ANKS1B: variants seen among roughly 807,000 people sequenced by gnomAD.
The protein encoded by ANKS1B is ankyrin repeat and sterile alpha motif domain-containing protein 1B.
Under a neutral mutation model 148.3 loss-of-function variants are expected in ANKS1B, and 36 were observed. The observed-to-expected ratio is 0.24, with a 90% CI of 0.19 to 0.32. The LOEUF (loss-of-function observed/expected upper bound fraction) is 0.32. ANKS1B is among the 10% of genes least tolerant of loss of function. ANKS1B has a pLI of 1.00. For synonymous variants in ANKS1B, 542 were observed against 560.8 expected (o/e 0.97, Z 0.47); for missense variants, 1,157 against 1,542.6 (o/e 0.75, Z 4.19).
At chr12:99,921,241 TAGTG>T (rs1335505122) in intron 1 of ANKS1B, among the ~76,000 whole-genome samples, 3 of 152,130 alleles carry the variant, frequency 2.0e-5, no homozygotes, top group Admixed American at 1.3e-4. Flanking sequence ...GTTCTCATGA[TAGTG>T]AGTGAGTTCT....
intron 17 of ANKS1B, among the ~76,000 whole-genome samples, chr12:99,033,387 T>C (rs1282715234): frequency 6.6e-6 from 1 of 152,246 alleles, no homozygotes; most frequent in African/African-American, 2.4e-5. Context: ...AGTCATGGTG[T>C]ATAATATTTT....
chr12:99,919,729 A>T (rs2153795891), intron 1 of ANKS1B, among the ~76,000 whole-genome samples: 1 of 151,418 alleles, frequency 6.6e-6, no homozygotes, highest in Admixed American at 6.6e-5. Context: ...ACAGGTGGCA[A>T]ATTGAGCACT....
rs193006015 is a variant in ANKS1B at position 99,464,124 on chromosome 12, C to T, written c.1439-20315G>A. Among the ~76,000 whole-genome samples the T allele has an allele frequency of 1.5e-3, 231 of 152,256 alleles. 1 individual carries two copies. Among genetic ancestry groups the T allele is most frequent in the Middle Eastern group, 0.014 (4 of 292 alleles). On this transcript the variant is annotated intron_variant, in intron 10 of 26. Coordinates refer to ENST00000683438, the MANE Select transcript of ANKS1B (RefSeq NM_001352186.2). ...AGAGGAACGATCAGACAGCAGCATTCGCGGTTGATGAAAATCCACTGTTCT... is the reference window on the plus strand; with the variant it reads ...AGAGGAACGATCAGACAGCAGCATTTGCGGTTGATGAAAATCCACTGTTCT...
intron 8 of ANKS1B, among the ~76,000 whole-genome samples, chr12:99,726,826 T>C (rs1480780493): frequency 3.3e-5 from 5 of 152,218 alleles, no homozygotes; most frequent in Non-Finnish European, 7.3e-5. Flanking sequence ...GATGCAAGGC[T>C]AGTTCAACAT....
At chr12:99,812,095 A>G in intron 3 of ANKS1B, 60 bp downstream of exon 3, 1 of 1,530,400 alleles carries the variant, frequency 6.5e-7, no homozygotes, top group South Asian at 1.3e-5. Context: ...CATTTTCAAT[A>G]TGGCTTTGCC....
At chr12:99,498,209 C>T (rs1720211654) in intron 10 of ANKS1B, among the ~76,000 whole-genome samples, 1 of 152,206 alleles carries the variant, frequency 6.6e-6, no homozygotes, top group African/African-American at 2.4e-5. Context: ...CCAATCTATA[C>T]TCTATACTCC....
At chr12:99,828,581 A>G (rs1309424332) in intron 1 of ANKS1B, among the ~76,000 whole-genome samples, 3 of 152,218 alleles carry the variant, frequency 2.0e-5, no homozygotes, top group Admixed American at 2.0e-4. Flanking sequence ...GAGAAAATTT[A>G]GACTATGCAT....
chr12:98,958,231 A>C (rs1315667508), intron 17 of ANKS1B, among the ~76,000 whole-genome samples: 1 of 152,224 alleles, frequency 6.6e-6, no homozygotes, highest in Non-Finnish European at 1.5e-5. Flanking sequence ...GATTTTAGAA[A>C]GCTCCATTGG....
At chr12:99,548,937 T>C (rs916745408) in intron 9 of ANKS1B, among the ~76,000 whole-genome samples, 1 of 151,876 alleles carries the variant, frequency 6.6e-6, no homozygotes, top group Non-Finnish European at 1.5e-5. Flanking sequence ...GAAACCAAAA[T>C]AGATAATTAC....
In ANKS1B at chr12:99,831,687, T is replaced by C. The variant is rs4764782; in HGVS notation, c.135-6298A>G. On this transcript the variant is annotated intron_variant, in intron 1 of 26. Coordinates refer to ENST00000683438, the MANE Select transcript of ANKS1B (RefSeq NM_001352186.2). ...GCATCAGTGTCTTATATGGCTCCAG[T>C]AGCATATGGCTTGAGCTCCTACTGA... Among the ~76,000 whole-genome samples the C allele has an allele frequency of 6.6e-5, 10 of 152,092 alleles. No individual in the cohort carries two copies. The South Asian group carries it at 1.2e-3, about 19-fold the overall frequency.
intron 4 of ANKS1B, among the ~76,000 whole-genome samples, chr12:99,794,615 T>C (rs539141798): frequency 6.6e-6 from 1 of 152,054 alleles, no homozygotes; most frequent in South Asian, 2.1e-4. Context: ...AGACATCACA[T>C]GTTCTCAGTT....
At chr12:99,707,314 C>T (rs371770956) in intron 8 of ANKS1B, among the ~76,000 whole-genome samples, 6 of 152,052 alleles carry the variant, frequency 3.9e-5, no homozygotes, top group East Asian at 1.9e-4. Flanking sequence ...TTCTGGGCTA[C>T]GTCATCCAGA....
At chr12:99,369,849 CAG>C (rs1555405093) in intron 12 of ANKS1B, among the ~76,000 whole-genome samples, 1 of 145,520 alleles carries the variant, frequency 6.9e-6, no homozygotes, top group Non-Finnish European at 1.5e-5. Context: ...CAGACAGAGA[CAG>C]ATAGATAGAT....
intron 22 of ANKS1B, among the ~76,000 whole-genome samples, chr12:98,785,740 G>A (rs1174938093): frequency 1.3e-5 from 2 of 152,106 alleles, no homozygotes; most frequent in Non-Finnish European, 2.9e-5. Flanking sequence ...TACTGAGCAC[G>A]TGCTCTCAGG....
intron 8 of ANKS1B, among the ~76,000 whole-genome samples, chr12:99,657,919 A>AT (rs2098458055): frequency 3.5e-5 from 5 of 141,818 alleles, no homozygotes; most frequent in African/African-American, 1.3e-4. Context: ...AAAAAAAAAA[A>AT]AAAGCTTATC....
intron 9 of ANKS1B, among the ~76,000 whole-genome samples, chr12:98,736,455 G>T (rs2097773654): frequency 6.6e-6 from 1 of 152,230 alleles, no homozygotes; most frequent in South Asian, 2.1e-4. Flanking sequence ...TGAAGACAAT[G>T]AAAGCAGCTT....
intron 15 of ANKS1B, among the ~76,000 whole-genome samples, chr12:99,123,426 T>C (rs1403120343): frequency 6.6e-6 from 1 of 152,098 alleles, no homozygotes; most frequent in Non-Finnish European, 1.5e-5. Flanking sequence ...GACTGGGGTA[T>C]TAGTCAGGGT....
chr12:98,746,848 C>A (rs1311792166), intron 26 of ANKS1B, among the ~76,000 whole-genome samples: 1 of 152,206 alleles, frequency 6.6e-6, no homozygotes, highest in Non-Finnish European at 1.5e-5. Context: ...GCACATGCAG[C>A]AGTCCCAGAA....
At chr12:99,281,390 A>G (rs915039049) in intron 12 of ANKS1B, among the ~76,000 whole-genome samples, 4 of 152,222 alleles carry the variant, frequency 2.6e-5, no homozygotes, top group African/African-American at 9.6e-5. Flanking sequence ...TCAAAATTAA[A>G]AGAGAAAAGT....
Sources: gnomAD v4.1 joint callset for allele counts (sites outside exome capture counted in the v4.1 genomes callset) on GRCh38, gnomAD v4.1.1 for gene constraint, MANE v1.5 for transcripts, NCBI Gene and HGNC (gene_info 2026-07-23, HGNC 2026-07-21) for gene names.